LYPLAL1: variants seen among roughly 807,000 people sequenced by gnomAD.
LYPLAL1 encodes the protein lysophospholipase-like protein 1.
A neutral mutation model predicts 19.7 loss-of-function variants in LYPLAL1; 23 were observed. That is an observed-to-expected ratio of 1.17 (90% CI 0.84 to 1.65). The LOEUF (loss-of-function observed/expected upper bound fraction) is 1.65, where lower values mean the gene tolerates loss of function less well. Among genes scored for constraint, LYPLAL1 ranks in the 40% most tolerant of loss-of-function variants. The probability of loss-of-function intolerance (pLI) is 0.00; values close to 1 mark genes in which losing one functional copy is unlikely to be tolerated. For missense variants in LYPLAL1, 355 were observed against 279.4 expected (o/e 1.27, Z -1.93); for synonymous variants, 119 against 96.3 (o/e 1.24, Z -1.38).
the LYPLAL1 span, among the ~76,000 whole-genome samples, chr1:219,268,284 A>G: frequency 6.6e-6 from 1 of 152,180 alleles, no homozygotes; most frequent in African/African-American, 2.4e-5. Flanking sequence ...GTATTAAATA[A>G]GGCGGTCAAG....
At chr1:219,418,072 C>T in the LYPLAL1 span, among the ~76,000 whole-genome samples, 2 of 152,186 alleles carry the variant, frequency 1.3e-5, no homozygotes, top group African/African-American at 4.8e-5. Context: ...ACTGCGTTCT[C>T]TCCTGCAGGA....
chr1:219,301,582 C>T, the LYPLAL1 span, among the ~76,000 whole-genome samples: 3 of 152,262 alleles, frequency 2.0e-5, no homozygotes, highest in Admixed American at 6.5e-5. Context: ...ACCTCTTAAT[C>T]TTGTAGTGTT....
chr1:219,220,470 C>T, the LYPLAL1 span, among the ~76,000 whole-genome samples: 10 of 151,974 alleles, frequency 6.6e-5, no homozygotes, highest in South Asian at 1.5e-3. Flanking sequence ...GGTAAAAGAG[C>T]ATCATCATGC....
chr1:219,215,804 T>C (rs975662563), downstream of LYPLAL1, among the ~76,000 whole-genome samples: 18 of 152,146 alleles, frequency 1.2e-4, no homozygotes, highest in African/African-American at 4.3e-4. Context: ...TTCACTGTCC[T>C]TTACTACCCA....
At chr1:219,361,389 T>C in the LYPLAL1 span, among the ~76,000 whole-genome samples, 12 of 152,262 alleles carry the variant, frequency 7.9e-5, no homozygotes, top group East Asian at 2.3e-3. Flanking sequence ...TGGATATAAA[T>C]ATTAAGGTAG....
intron 3 of LYPLAL1, among the ~76,000 whole-genome samples, chr1:219,194,386 G>A (rs1384939314): frequency 6.6e-6 from 1 of 151,900 alleles, no homozygotes; most frequent in African/African-American, 2.4e-5. Context: ...GTATCATTCA[G>A]TCATCATTCA....
chr1:219,343,560 C>T, the LYPLAL1 span, among the ~76,000 whole-genome samples: 19 of 152,178 alleles, frequency 1.2e-4, no homozygotes, highest in African/African-American at 4.1e-4. Flanking sequence ...CTCTTTTTAC[C>T]ACTTTCAAAA....
At chr1:219,312,755 T>C in the LYPLAL1 span, among the ~76,000 whole-genome samples, 2 of 152,174 alleles carry the variant, frequency 1.3e-5, no homozygotes, top group East Asian at 3.9e-4. Context: ...TCAGGTGGTA[T>C]TGGGCTGAAT....
At chr1:219,247,113 G>A in the LYPLAL1 span, among the ~76,000 whole-genome samples, 1 of 152,056 alleles carries the variant, frequency 6.6e-6, no homozygotes, top group Non-Finnish European at 1.5e-5. Flanking sequence ...ATCACATCTG[G>A]TGCAGTAGAT....
At chr1:219,223,370 C>T in the LYPLAL1 span, among the ~76,000 whole-genome samples, 1 of 152,146 alleles carries the variant, frequency 6.6e-6, no homozygotes, top group East Asian at 1.9e-4. Context: ...ATTGACTTCC[C>T]TCGAATCCTG....
the LYPLAL1 span, among the ~76,000 whole-genome samples, chr1:219,330,149 CCATAGACAGAG>C: frequency 4.6e-5 from 7 of 152,090 alleles, no homozygotes; most frequent in Non-Finnish European, 8.8e-5. Flanking sequence ...ATTAAACTTT[CCATAGACAGAG>C]CATAGCTGCA....
chr1:219,262,622 C>A, the LYPLAL1 span, among the ~76,000 whole-genome samples: 1 of 152,160 alleles, frequency 6.6e-6, no homozygotes, highest in Non-Finnish European at 1.5e-5. Flanking sequence ...TCTAGCCACC[C>A]AGTGGGGCTA....
chr1:219,275,311 C>T, the LYPLAL1 span, among the ~76,000 whole-genome samples: 10 of 152,168 alleles, frequency 6.6e-5, no homozygotes, highest in Non-Finnish European at 1.3e-4. Context: ...TATCAGTCTT[C>T]GGGCACATCC....
rs765516089 is a variant in LYPLAL1, at chr1:219,212,436, A to G, written c.*708A>G. On this transcript the variant is annotated 3_prime_UTR_variant, in exon 5 of 5. Coordinates refer to ENST00000366928, the MANE Select transcript of LYPLAL1 (RefSeq NM_138794.5). ...AATAAATAGCCAAAAGCCAATACAT[A>G]ATAAACACTCAATAAAGATTAACCA... 4 of 152,068 alleles carry G rather than the reference A, an allele frequency of 2.6e-5. No homozygotes were observed. Among genetic ancestry groups the G allele is most frequent in the Non-Finnish European group, 5.9e-5 (4 of 67,942 alleles). 9.4% of individuals were successfully genotyped at this position (152,068 alleles called of 1,614,324 possible).
the LYPLAL1 span, among the ~76,000 whole-genome samples, chr1:219,255,083 GC>G: frequency 6.6e-6 from 1 of 151,776 alleles, no homozygotes; most frequent in South Asian, 2.1e-4. Context: ...CCTAAAGAAA[GC>G]CTTGACTTTT....
chr1:219,209,274 A>T (rs1658812983), intron 3 of LYPLAL1, among the ~76,000 whole-genome samples: 1 of 152,106 alleles, frequency 6.6e-6, no homozygotes, highest in Admixed American at 6.6e-5. Flanking sequence ...AAACTTTGCC[A>T]GACTGGTAAT....
the LYPLAL1 span, among the ~76,000 whole-genome samples, chr1:219,325,958 G>A: frequency 6.6e-6 from 1 of 152,108 alleles, no homozygotes. Context: ...ATGCAATTTG[G>A]GAGGTTTAAA....
the LYPLAL1 span, among the ~76,000 whole-genome samples, chr1:219,233,656 C>A: frequency 6.6e-6 from 1 of 151,766 alleles, no homozygotes; most frequent in African/African-American, 2.4e-5. Context: ...GTAGTCCCAG[C>A]TAGTTTGGGA....
chr1:219,400,824 G>A, the LYPLAL1 span, among the ~76,000 whole-genome samples: 75 of 152,072 alleles, frequency 4.9e-4, 2 homozygotes, highest in Non-Finnish European at 7.5e-4. Context: ...CTATCTATCT[G>A]TCTGCCTATC....
Sources: allele counts gnomAD v4.1 joint callset (sites outside exome capture counted in the v4.1 genomes callset), GRCh38; gene constraint gnomAD v4.1.1; transcripts MANE v1.5; gene names NCBI Gene and HGNC (gene_info 2026-07-23, HGNC 2026-07-21).